XPOT: variants seen among roughly 807,000 people sequenced by gnomAD.
XPOT encodes the protein exportin-T.
XPOT carries 34 observed loss-of-function variants against 128.2 expected under a neutral mutation model. The ratio of observed to expected loss-of-function variants is 0.27; its 90% CI spans 0.20 to 0.35. The LOEUF is 0.35. Among genes scored for constraint, XPOT ranks in the 10% least tolerant of loss-of-function variants. XPOT has a pLI of 1.00. For missense variants in XPOT, 838 were observed against 1,125.3 expected, an observed-to-expected ratio of 0.74 and a Z score of 3.65; for synonymous variants, 348 against 394.3, an observed-to-expected ratio of 0.88 and a Z score of 1.39.
intron 5 of XPOT, 51 bp downstream of exon 5, chr12:64,418,166 ATTTTTTGC>A (rs760518713): frequency 6.6e-7 from 1 of 1,505,728 alleles, no homozygotes; most frequent in South Asian, 1.2e-5. Flanking sequence ...ATTTAAACTT[ATTTTTTGC>A]AAGAGTTTGG....
intron 5 of XPOT, 32 bp from the exon 6 acceptor site, chr12:64,418,844 T>A: frequency 6.3e-7 from 1 of 1,594,602 alleles, no homozygotes; most frequent in Non-Finnish European, 8.5e-7. Context: ...CAATTTACAT[T>A]TAATTTTATG....
At chr12:64,433,064 T>C (rs2040252229) in intron 18 of XPOT, among the ~76,000 whole-genome samples, 1 of 152,124 alleles carries the variant, frequency 6.6e-6, no homozygotes, top group Admixed American at 6.5e-5. Flanking sequence ...GTCAGCCTCC[T>C]GAGTAGCTTG....
Position 64,435,795 on chromosome 12 carries a change from AG to A in XPOT, c.2733+125del, listed in dbSNP as rs1271774346. 5.3e-6 allele frequency: 5 copies of A among 934,982 alleles called. No individual in the cohort carries two copies. The African/African-American group carries it at 8.5e-5, about 16-fold the overall frequency. 57.9% of individuals were successfully genotyped at this position (934,982 alleles called of 1,614,324 possible). On this transcript the variant is annotated intron_variant, in intron 22 of 24. Transcript: ENST00000332707. ...GTTTTGACTTTTTGGATGTGGGGAA[AG>A]GGGATGAATGAAAGTAGCAGTATCC...
chr12:64,449,449 G>C lies in XPOT; in HGVS notation c.*1318G>C, dbSNP rs2040392750. 1 of 152,212 alleles carries C rather than the reference G, an allele frequency of 6.6e-6. No individual in the cohort carries two copies. The highest frequency in any genetic ancestry group is 1.5e-5 in the Non-Finnish European group (1 of 68,038). 9.4% of individuals were successfully genotyped at this position (152,212 alleles called of 1,614,324 possible). On this transcript the variant is annotated 3_prime_UTR_variant, in exon 25 of 25. Transcript: ENST00000332707. ...AAGAGAGGAGGGACAAAACTGAGCA[G>C]CAGAATTCGTATAGACATTTACGTT...
chr12:64,413,336 C>A (rs1565794827), intron 2 of XPOT, among the ~76,000 whole-genome samples: 1 of 152,128 alleles, frequency 6.6e-6, no homozygotes, highest in South Asian at 2.1e-4. Flanking sequence ...CTGCTGGCCT[C>A]AAGTGATCTT....
rs1464660688 is a variant in XPOT at position 64,450,423 on chromosome 12, GTA to G, written c.*2295_*2296del. Reference sequence around the variant, plus strand: ...TGGCCTCACAATGTTGGGATTACAGGTATAAGCCACTGCACACGGCCTTACTA... The same window carrying G: ...TGGCCTCACAATGTTGGGATTACAGGTAAGCCACTGCACACGGCCTTACTA... On this transcript the variant is annotated 3_prime_UTR_variant, in exon 25 of 25. Transcript: ENST00000332707. 6.6e-6 allele frequency: 1 copy of G among 152,088 alleles called. No individual in the cohort carries two copies. Among genetic ancestry groups the G allele is most frequent in the Non-Finnish European group, 1.5e-5 (1 of 68,048 alleles). 9.4% of individuals were successfully genotyped at this position (152,088 alleles called of 1,614,324 possible).
At chr12:64,421,549 A>G in intron 9 of XPOT, 78 bp downstream of exon 9, 1 of 960,434 alleles carries the variant, frequency 1.0e-6, no homozygotes, top group Non-Finnish European at 1.6e-6. Context: ...TGGAAAAATT[A>G]AAAATGAGAA....
rs1276984186 is a variant in XPOT at position 64,449,877 on chromosome 12, T to C, written c.*1746T>C. The C allele has an allele frequency of 6.6e-6, 1 of 152,220 alleles. No individual in the cohort carries two copies. The highest frequency in any genetic ancestry group is 3.2e-3 in the Middle Eastern group (1 of 316). The allele number at this position is 152,220 out of a possible 1,614,324, so 9.4% of individuals were successfully genotyped here. ...GCATAGCATAGTGGGTAAGAGTTTA[T>C]ATAGCACAGGCTCTAGAATCAGATT... On this transcript the variant is annotated 3_prime_UTR_variant, in exon 25 of 25. Transcript: ENST00000332707.
chr12:64,405,126 C>T (rs927984438), intron 1 of XPOT: 2 of 152,230 alleles, frequency 1.3e-5, no homozygotes, highest in Non-Finnish European at 2.9e-5. Context: ...GGGTCGGCAT[C>T]GCCTGTGGTT....
At chr12:64,444,830 G>A (rs2040354985) in intron 23 of XPOT, among the ~76,000 whole-genome samples, 1 of 151,974 alleles carries the variant, frequency 6.6e-6, no homozygotes, top group South Asian at 2.1e-4. Context: ...AAAAAGAGCT[G>A]GGCACAGTGA....
At chr12:64,416,439 T>TC (rs1478493992) in intron 3 of XPOT, among the ~76,000 whole-genome samples, 9 of 152,246 alleles carry the variant, frequency 5.9e-5, no homozygotes, top group Admixed American at 5.2e-4. Context: ...AAGCATTGTA[T>TC]TCAAGGTGCA....
At chr12:64,410,767 A>G (rs1237060780) in intron 2 of XPOT, among the ~76,000 whole-genome samples, 2 of 152,244 alleles carry the variant, frequency 1.3e-5, no homozygotes, top group South Asian at 2.1e-4. Flanking sequence ...AAACAATTAA[A>G]TATAATGTAG....
chr12:64,414,383 G>A (rs753921123), intron 2 of XPOT, among the ~76,000 whole-genome samples: 2 of 151,840 alleles, frequency 1.3e-5, no homozygotes, highest in Non-Finnish European at 2.9e-5. Context: ...ATCTCTTTAG[G>A]GAACTTACAT....
At position 64,419,113 on chromosome 12, in the gene XPOT, A is replaced by G; in HGVS notation, c.489+19A>G. ...ATCAGAGGCAAGTAACTAACCATGAATTTTTTATATTTAATGTAAGTTTTG... is the reference window on the plus strand; with the variant it reads ...ATCAGAGGCAAGTAACTAACCATGAGTTTTTTATATTTAATGTAAGTTTTG... On this transcript the variant is annotated intron_variant, in intron 6 of 24. Transcript: ENST00000332707. 6.3e-7 allele frequency: 1 copy of G among 1,594,290 alleles called. No homozygotes were observed.
intron 8 of XPOT, 140 bp from the exon 9 acceptor site, chr12:64,421,095 C>G: frequency 1.4e-6 from 1 of 731,356 alleles, no homozygotes; most frequent in Non-Finnish European, 2.3e-6. Flanking sequence ...AGCCACCGTG[C>G]CCAGCCTGGA....
intron 1 of XPOT, among the ~76,000 whole-genome samples, chr12:64,408,007 C>A (rs1035734326): frequency 1.3e-5 from 2 of 152,150 alleles, no homozygotes; most frequent in Admixed American, 6.6e-5. Context: ...AGGCCTTTCT[C>A]CCCTACCCCT....
At position 64,418,923 on chromosome 12, in the gene XPOT, C is replaced by T; in HGVS notation, c.318C>T (p.Ala106=). 2 of 1,613,910 alleles carry T rather than the reference C, an allele frequency of 1.2e-6. No homozygotes were observed. The highest frequency in any genetic ancestry group is 1.7e-6 in the Non-Finnish European group (2 of 1,179,908). The change falls in exon 6 of 25, where the codon GCC becomes GCT. Residue 106 remains alanine (A), a synonymous_variant. Transcript: ENST00000332707. The part of the protein sequence containing the change: ...PEKTFIRNKA[A]QVFALLFVTE... The stretch of plus-strand genomic sequence containing the variant: ...AGACCTTTATACGAAATAAAGCCGC[C>T]CAAGTCTTCGCCTTGCTTTTTGTTA...
chr12:64,429,619 T>C (rs1482095676), intron 16 of XPOT, among the ~76,000 whole-genome samples: 1 of 152,024 alleles, frequency 6.6e-6, no homozygotes, highest in Non-Finnish European at 1.5e-5. Flanking sequence ...TTTTGTATTT[T>C]TAGTAGAGAC....
intron 17 of XPOT, 33 bp from the exon 18 acceptor site, chr12:64,431,505 T>C (rs2040238098): frequency 6.2e-7 from 1 of 1,602,590 alleles, no homozygotes; most frequent in African/African-American, 1.3e-5. Flanking sequence ...AAGAATAAAG[T>C]TGCATCTGAT....
Sources: allele counts gnomAD v4.1 joint callset (sites outside exome capture counted in the v4.1 genomes callset), GRCh38; gene constraint gnomAD v4.1.1; transcripts MANE v1.5; gene names NCBI Gene and HGNC (gene_info 2026-07-23, HGNC 2026-07-21).